Variants in AMBP observed in about 807,000 individuals in gnomAD.
The protein encoded by AMBP is alpha-1-microglobulin/bikunin precursor.
AMBP carries 37 observed loss-of-function variants against 46.3 expected under a neutral mutation model. That is an observed-to-expected ratio of 0.80 (90% CI 0.61 to 1.05). The LOEUF is 1.05. Among genes scored for constraint, AMBP ranks in the 50% least tolerant of loss-of-function variants. The pLI is 0.00. For synonymous variants in AMBP, 174 were observed against 175.9 expected, an observed-to-expected ratio of 0.99 and a Z score of 0.09; for missense variants, 475 against 461.2, an observed-to-expected ratio of 1.03 and a Z score of -0.27.
At chr9:114,073,492 TG>T (rs560089248) in intron 4 of AMBP, among the ~76,000 whole-genome samples, 11 of 133,000 alleles carry the variant, frequency 8.3e-5, no homozygotes, top group Non-Finnish European at 9.4e-5. Flanking sequence ...TCTCAATCCC[TG>T]TTTTTTTTTT....
intron 1 of AMBP, among the ~76,000 whole-genome samples, chr9:114,076,960 C>T (rs971215217): frequency 6.6e-6 from 1 of 152,126 alleles, no homozygotes; most frequent in African/African-American, 2.4e-5. Context: ...CACAGCGAAC[C>T]CAGGAAGCAG....
chr9:114,076,680 T>C lies in AMBP; in HGVS notation c.178A>G (p.Met60Val). 2 of 1,613,960 alleles carry C rather than the reference T, an allele frequency of 1.2e-6. No homozygotes were observed. Among genetic ancestry groups the C allele is most frequent in the Non-Finnish European group, 1.7e-6 (2 of 1,179,896 alleles). Residue 60 changes from methionine to valine, a missense_variant, in exon 2 of 10, where the codon ATG (methionine) becomes GTG (valine). Physicochemically the swap from Met to Val is conservative, Grantham distance 21. Around this residue, in one of 3 missense-constraint regions of AMBP, gnomAD observed 179 missense variants for 167.4 expected, o/e 1.07. Coordinates refer to ENST00000265132, the MANE Select transcript of AMBP (RefSeq NM_001633.4). Reference protein sequence around the residue: ...GSTCPWLKKIMDRMTVSTLVL... With the variant: ...GSTCPWLKKIVDRMTVSTLVL... The stretch of plus-strand genomic sequence containing the variant: ...AGCGTGCTCACTGTCATCCTGTCCA[T>C]GATCTTCTTCAGCCAGGGGCAGGTG...
intron 3 of AMBP, among the ~76,000 whole-genome samples, chr9:114,074,493 C>T (rs1358915542): frequency 2.6e-5 from 4 of 152,182 alleles, no homozygotes; most frequent in Non-Finnish European, 5.9e-5. Context: ...TATTCAGTCA[C>T]CAATCATTTG....
intron 7 of AMBP, 89 bp from the exon 8 acceptor site, chr9:114,061,680 ATT>A: frequency 7.2e-7 from 1 of 1,380,596 alleles, no homozygotes; most frequent in South Asian, 1.5e-5. Flanking sequence ...ATCTCATTTA[ATT>A]TTCACTAAAA....
At position 114,078,258 on chromosome 9, in the gene AMBP, A is replaced by G; in HGVS notation, c.-49T>C. 1 of 1,560,368 alleles carries G rather than the reference A, an allele frequency of 6.4e-7. No individual in the cohort carries two copies. Among genetic ancestry groups the G allele is most frequent in the Non-Finnish European group, 8.8e-7 (1 of 1,139,880 alleles). The stretch of plus-strand genomic sequence containing the variant: ...TATATCCCACAGGCTCGGTCTAGCA[A>G]CAGAAGGGCCACCGCCTCCCTGCAA... On this transcript the variant is annotated 5_prime_UTR_variant, in exon 1 of 10. Coordinates refer to ENST00000265132, the MANE Select transcript of AMBP (RefSeq NM_001633.4).
intron 3 of AMBP, 25 bp downstream of exon 3, chr9:114,074,935 A>G (rs1326321695): frequency 3.1e-6 from 5 of 1,599,812 alleles, no homozygotes; most frequent in Non-Finnish European, 4.3e-6. Context: ...GAGAGAATGC[A>G]TGTGTCTCTT....
intron 2 of AMBP, among the ~76,000 whole-genome samples, 165 bp from the exon 3 acceptor site, chr9:114,075,201 G>C (rs1846793223): frequency 6.6e-6 from 1 of 152,154 alleles, no homozygotes; most frequent in African/African-American, 2.4e-5. Flanking sequence ...CAAATGTCTT[G>C]TTTAATCCTC....
chr9:114,062,424 C>T (rs1846649273), intron 7 of AMBP, among the ~76,000 whole-genome samples: 1 of 152,198 alleles, frequency 6.6e-6, no homozygotes, highest in Non-Finnish European at 1.5e-5. Flanking sequence ...CACAGTCATA[C>T]AGACAGGGCA....
chr9:114,066,797 G>A (rs1397412862), intron 6 of AMBP, among the ~76,000 whole-genome samples: 7 of 152,172 alleles, frequency 4.6e-5, no homozygotes, highest in Non-Finnish European at 7.3e-5. Flanking sequence ...TCCTGGATGA[G>A]AGAACAAGTG....
intron 9 of AMBP, among the ~76,000 whole-genome samples, chr9:114,060,525 TGTC>T (rs1433149194): frequency 6.6e-6 from 1 of 152,206 alleles, no homozygotes; most frequent in East Asian, 1.9e-4. Context: ...ATTGTATCGT[TGTC>T]GTTATTATTA....
intron 6 of AMBP, among the ~76,000 whole-genome samples, chr9:114,066,978 T>A (rs140782402): frequency 1.3e-4 from 20 of 152,310 alleles, no homozygotes; most frequent in African/African-American, 4.8e-4. Flanking sequence ...TCTTGCCCTG[T>A]CACCCAGGCT....
intron 5 of AMBP, among the ~76,000 whole-genome samples, chr9:114,071,432 G>A (rs1188683284): frequency 3.3e-5 from 5 of 152,272 alleles, no homozygotes; most frequent in African/African-American, 9.6e-5. Context: ...AGCGTGGAAG[G>A]GAGGCCGAGT....
intron 6 of AMBP, among the ~76,000 whole-genome samples, chr9:114,069,416 T>C (rs1846722091): frequency 6.6e-6 from 1 of 152,234 alleles, no homozygotes; most frequent in African/African-American, 2.4e-5. Context: ...CTAAGAACTT[T>C]TCTATATGTC....
chr9:114,073,997 C>T (rs1381494516), intron 4 of AMBP, 39 bp downstream of exon 4: 2 of 1,587,492 alleles, frequency 1.3e-6, no homozygotes, highest in East Asian at 2.2e-5. Flanking sequence ...GTCCTCCCAC[C>T]CTTAACTCCA....
chr9:114,060,386 G>T (rs1389021970), intron 9 of AMBP, 116 bp from the exon 10 acceptor site: 9 of 1,110,350 alleles, frequency 8.1e-6, no homozygotes, highest in African/African-American at 1.6e-5. Context: ...ATCTCCAAAG[G>T]GTATTCCATG....
rs369265422 is a variant in AMBP at position 114,062,769 on chromosome 9, G to A, written c.604-11C>T. On this transcript the variant is annotated splice_polypyrimidine_tract_variant and intron_variant, in intron 6 of 9. Transcript: ENST00000265132. ...AGCCCTCCGGACTCTCTGCGGGGGA[G>A]AGAAAGAGAAGAAGCAGTTGCAGAC... is the stretch of plus-strand genomic sequence containing the variant. The A allele has an allele frequency of 6.2e-7, 1 of 1,613,634 alleles. No individual in the cohort carries two copies. The highest frequency in any genetic ancestry group is 1.3e-5 in the African/African-American group (1 of 75,042).
chr9:114,069,657 G>A (rs1234687044), intron 6 of AMBP, 42 bp downstream of exon 6: 1 of 1,568,220 alleles, frequency 6.4e-7, no homozygotes, highest in Non-Finnish European at 8.7e-7. Context: ...GGCAGAGTGG[G>A]GTGGGATGGG....
At chr9:114,064,066 G>C (rs949446590) in intron 6 of AMBP, among the ~76,000 whole-genome samples, 4 of 152,198 alleles carry the variant, frequency 2.6e-5, no homozygotes, top group African/African-American at 9.6e-5. Flanking sequence ...TTTAACGACA[G>C]AAGTCCCAGA....
rs78421502 is a variant in AMBP at position 114,068,912 on chromosome 9, C to A, written c.603+787G>T. 7.4e-3 allele frequency among the ~76,000 whole-genome samples: 1,105 copies of A among 150,184 alleles called. 16 individuals carry two copies. Among genetic ancestry groups the A allele is most frequent in the African/African-American group, 0.026 (1,059 of 40,856 alleles). On this transcript the variant is annotated intron_variant, in intron 6 of 9. Coordinates refer to ENST00000265132, the MANE Select transcript of AMBP (RefSeq NM_001633.4). ...TTATTAGTTTTGTAAGATCAATGGT[C>A]ATTTTCTTTTAAAATATAGGAGCAA...
Sources: allele counts gnomAD v4.1 joint callset (sites outside exome capture counted in the v4.1 genomes callset), GRCh38; gene constraint gnomAD v4.1.1; regional missense constraint gnomAD v4.1.1; transcripts MANE v1.5; gene names NCBI Gene and HGNC (gene_info 2026-07-23, HGNC 2026-07-21).